GLT8D2: variants seen among roughly 807,000 people sequenced by gnomAD.
GLT8D2 encodes the protein glycosyltransferase 8 domain-containing protein 2.
A neutral mutation model predicts 44.5 loss-of-function variants in GLT8D2; 45 were observed. The observed-to-expected ratio is 1.01, with a 90% CI of 0.80 to 1.30. The LOEUF (loss-of-function observed/expected upper bound fraction) is 1.30, where lower values mean the gene tolerates loss of function less well. Among genes scored for constraint, GLT8D2 ranks in the 50% most tolerant of loss-of-function variants. The probability of loss-of-function intolerance (pLI) is 0.00; values close to 1 mark genes in which losing one functional copy is unlikely to be tolerated. For synonymous variants in GLT8D2, 156 were observed against 157.2 expected (o/e 0.99, Z 0.06); for missense variants, 400 against 430.4 (o/e 0.93, Z 0.62).
At chr12:104,056,066 G>A (rs757220810) in intron 1 of GLT8D2, among the ~76,000 whole-genome samples, 2 of 152,166 alleles carry the variant, frequency 1.3e-5, no homozygotes, top group African/African-American at 2.4e-5. Flanking sequence ...TCCCGCATGC[G>A]GTAACTGTTT....
At chr12:104,037,359 A>G (rs1244486664) in intron 1 of GLT8D2, among the ~76,000 whole-genome samples, 3 of 152,214 alleles carry the variant, frequency 2.0e-5, no homozygotes, top group Admixed American at 1.3e-4. Flanking sequence ...CCTTCAAAAA[A>G]TCAATGAATC....
chr12:104,050,555 C>G (rs189843440), upstream of GLT8D2, among the ~76,000 whole-genome samples: 12 of 152,140 alleles, frequency 7.9e-5, no homozygotes, highest in East Asian at 2.1e-3. Flanking sequence ...TGTTTTTGTG[C>G]CTGAACAAAA....
chr12:104,016,805 AGG>A (rs1388374404), intron 3 of GLT8D2, among the ~76,000 whole-genome samples: 247 of 145,202 alleles, frequency 1.7e-3, no homozygotes, highest in East Asian at 0.013. Flanking sequence ...GAAGGAAGGA[AGG>A]AAAGAAAGAA....
At chr12:104,027,260 A>C (rs1322109610) in intron 1 of GLT8D2, among the ~76,000 whole-genome samples, 1 of 152,214 alleles carries the variant, frequency 6.6e-6, no homozygotes, top group Non-Finnish European at 1.5e-5. Context: ...ATAGGGTTTC[A>C]GGTACCTTTT....
Position 104,031,561 on chromosome 12 carries a change from A to G in GLT8D2, c.-163-10070T>C, listed in dbSNP as rs1239472793. 3.7e-6 allele frequency: 6 copies of G among 1,610,654 alleles called. No homozygotes were observed. In the Admixed American group the frequency reaches 5.0e-5, roughly 13 times the overall value. On this transcript the variant is annotated intron_variant, in intron 1 of 10. Transcript: ENST00000360814. The stretch of plus-strand genomic sequence containing the variant: ...AGAAGTGAAGGCCGGCGGGGAAGAT[A>G]CTGTCCCCAGGAGCACCCTCCCTGC...
At chr12:104,024,106 C>T (rs1357793852) in intron 1 of GLT8D2, among the ~76,000 whole-genome samples, 10 of 152,120 alleles carry the variant, frequency 6.6e-5, no homozygotes, top group African/African-American at 2.4e-4. Flanking sequence ...TCTAGGCTGG[C>T]TGCCGTGGCT....
chr12:104,015,776 C>T (rs1325372944), intron 3 of GLT8D2, among the ~76,000 whole-genome samples: 1 of 151,330 alleles, frequency 6.6e-6, no homozygotes, highest in Admixed American at 6.6e-5. Context: ...CTGAGGTGGG[C>T]AGATCACATG....
At chr12:104,016,719 GA>G (rs1566199379) in intron 3 of GLT8D2, among the ~76,000 whole-genome samples, 1 of 42,098 alleles carries the variant, frequency 2.4e-5, no homozygotes, top group Non-Finnish European at 4.8e-5. Flanking sequence ...GAGAAAGAAA[GA>G]AAGAAAGAAA....
At chr12:104,016,323 T>C (rs1372160829) in intron 3 of GLT8D2, among the ~76,000 whole-genome samples, 3 of 152,034 alleles carry the variant, frequency 2.0e-5, no homozygotes, top group Non-Finnish European at 2.9e-5. Flanking sequence ...TGCTTTTCAG[T>C]TAATTCAACC....
intron 5 of GLT8D2, among the ~76,000 whole-genome samples, chr12:104,002,120 A>G (rs888749369): frequency 2.6e-5 from 4 of 151,900 alleles, no homozygotes; most frequent in Non-Finnish European, 5.9e-5. Flanking sequence ...CACCACCCTC[A>G]GCTAATTTCT....
chr12:104,021,867 AAAGAAGAAGAAGAAGAAGAAG>A (rs1175888989), intron 1 of GLT8D2, among the ~76,000 whole-genome samples: 118 of 93,612 alleles, frequency 1.3e-3, no homozygotes, highest in Middle Eastern at 5.1e-3. Context: ...GGAGAAGAAG[AAAGAAGAAGAAGAAGAAGAAG>A]AAGAAGAAGA....
At chr12:104,003,573 T>A (rs1874541028) in intron 4 of GLT8D2, among the ~76,000 whole-genome samples, 2 of 152,216 alleles carry the variant, frequency 1.3e-5, no homozygotes, top group South Asian at 4.1e-4. Context: ...TTAAGTAATG[T>A]GTGCCACTGC....
At chr12:104,056,463 G>C (rs748810626) in intron 1 of GLT8D2, among the ~76,000 whole-genome samples, 1 of 152,218 alleles carries the variant, frequency 6.6e-6, no homozygotes, top group African/African-American at 2.4e-5. Flanking sequence ...CTCTAGGGTT[G>C]ACTTTTTGGC....
At chr12:104,047,516 G>T (rs558047121) in intron 1 of GLT8D2, among the ~76,000 whole-genome samples, 2 of 152,026 alleles carry the variant, frequency 1.3e-5, no homozygotes, top group Admixed American at 1.3e-4. Context: ...ATGTTGGTCA[G>T]TCTGGTCTCA....
intron 10 of GLT8D2, 72 bp downstream of exon 10, chr12:103,993,320 G>A: frequency 8.4e-7 from 1 of 1,189,906 alleles, no homozygotes; most frequent in Middle Eastern, 2.2e-4. Context: ...AGCAGAGCGA[G>A]ACTCTGTCTC....
intron 1 of GLT8D2, among the ~76,000 whole-genome samples, chr12:104,058,361 T>C (rs928232603): frequency 2.0e-5 from 3 of 152,168 alleles, no homozygotes; most frequent in Admixed American, 2.0e-4. Flanking sequence ...TGCTCAGAGT[T>C]TTTTAAACTT....
In GLT8D2 at chr12:103,989,496, C is replaced by G; in HGVS notation, c.962G>C (p.Trp321Ser). The G allele has an allele frequency of 6.2e-7, 1 of 1,613,484 alleles. No individual in the cohort carries two copies. Reference protein sequence around the residue: ...LLHWNGRHKPWDFPSVHNDLW... With the variant: ...LLHWNGRHKPSDFPSVHNDLW... Reference sequence around the variant, plus strand: ...GTCGTTGTGAACACTAGGGAAGTCCCAAGGTTTATGTCTTCCATTCCAGTG... The same window carrying G: ...GTCGTTGTGAACACTAGGGAAGTCCGAAGGTTTATGTCTTCCATTCCAGTG... Residue 321 changes from tryptophan to serine, a missense_variant, in exon 11 of 11, where the codon TGG becomes TCG. Transcript: ENST00000360814.
intron 10 of GLT8D2, among the ~76,000 whole-genome samples, chr12:103,992,838 T>G (rs1288115810): frequency 6.6e-6 from 1 of 152,180 alleles, no homozygotes; most frequent in Non-Finnish European, 1.5e-5. Flanking sequence ...ACATACTATA[T>G]GCTAAGCATG....
At chr12:103,992,784 G>A (rs1566188799) in intron 10 of GLT8D2, among the ~76,000 whole-genome samples, 1 of 152,036 alleles carries the variant, frequency 6.6e-6, no homozygotes, top group East Asian at 1.9e-4. Flanking sequence ...GAGCCACCAC[G>A]CCCGGCCGAA....
Sources: allele counts gnomAD v4.1 joint callset (sites outside exome capture counted in the v4.1 genomes callset), GRCh38; gene constraint gnomAD v4.1.1; transcripts MANE v1.5; gene names NCBI Gene and HGNC (gene_info 2026-07-23, HGNC 2026-07-21).